The following NECAB1 variants were observed in gnomAD, a reference collection of about 807,000 sequenced individuals.
NECAB1 encodes N-terminal EF-hand calcium-binding protein 1.
Under a neutral mutation model 57.5 loss-of-function variants are expected in NECAB1, and 29 were observed. That is an observed-to-expected ratio of 0.50 (90% CI 0.38 to 0.69). The LOEUF (loss-of-function observed/expected upper bound fraction) is 0.69. Among genes scored for constraint, NECAB1 ranks in the 30% least tolerant of loss-of-function variants. The pLI, the probability that NECAB1 is intolerant of heterozygous loss-of-function variation, is 0.00. For missense variants in NECAB1, 372 were observed against 413.8 expected, an observed-to-expected ratio of 0.90 and a Z score of 0.88; for synonymous variants, 142 against 147.7, an observed-to-expected ratio of 0.96 and a Z score of 0.28.
chr8:90,801,573 C>A, intron 1 of NECAB1, 118 bp from the exon 2 acceptor site: 1 of 698,510 alleles, frequency 1.4e-6, no homozygotes, highest in Non-Finnish European at 2.4e-6. Context: ...AATTGGGAAA[C>A]GCTTACTTAA....
At chr8:90,855,021 G>C (rs931974911) in intron 3 of NECAB1, among the ~76,000 whole-genome samples, 1 of 152,200 alleles carries the variant, frequency 6.6e-6, no homozygotes, top group Non-Finnish European at 1.5e-5. Flanking sequence ...AGTGCCCTTT[G>C]TCTCCTTTCC....
chr8:90,871,057 G>A (rs1808613604), intron 3 of NECAB1, among the ~76,000 whole-genome samples: 1 of 152,086 alleles, frequency 6.6e-6, no homozygotes, highest in African/African-American at 2.4e-5. Flanking sequence ...TGTTTGGAAT[G>A]TTTATACCAA....
At chr8:90,922,319 A>C (rs756419382) in intron 6 of NECAB1, among the ~76,000 whole-genome samples, 21 of 151,938 alleles carry the variant, frequency 1.4e-4, no homozygotes, top group Non-Finnish European at 2.9e-4. Context: ...CTTGAAAGTT[A>C]TTTTTCTCCT....
At chr8:90,798,399 G>T (rs62528306) in intron 1 of NECAB1, among the ~76,000 whole-genome samples, 1 of 152,132 alleles carries the variant, frequency 6.6e-6, no homozygotes, top group Non-Finnish European at 1.5e-5. Context: ...CCATCACCCA[G>T]GTAGTGAGCA....
intron 7 of NECAB1, among the ~76,000 whole-genome samples, chr8:90,927,922 C>T (rs983432426): frequency 1.8e-4 from 28 of 151,762 alleles, no homozygotes; most frequent in Admixed American, 1.7e-3. Flanking sequence ...TTCCTGTTTG[C>T]AAAAGAAAAC....
Position 90,881,089 on chromosome 8 carries a change from C to G in NECAB1, c.316C>G (p.Leu106Val). Reference sequence around the variant, plus strand: ...GAATGTACTAGCAGCACTTGAAGACCTGAATCTTTCCATCCTGAAGGCAAT... The same window carrying G: ...GAATGTACTAGCAGCACTTGAAGACGTGAATCTTTCCATCCTGAAGGCAAT... ...YENVLAALED[L>V]NLSILKAMGK... The change falls in exon 5 of 13, where the codon CTG (leucine) becomes GTG (valine). Residue 106 changes from leucine to valine, a missense_variant. Leu to Val is a conservative substitution (Grantham distance 32). Transcript: ENST00000417640. The G allele has an allele frequency of 6.2e-7, 1 of 1,607,536 alleles. No individual in the cohort carries two copies.
At chr8:90,834,667 C>T (rs1030704743) in intron 3 of NECAB1, among the ~76,000 whole-genome samples, 3 of 152,008 alleles carry the variant, frequency 2.0e-5, no homozygotes, top group African/African-American at 4.8e-5. Context: ...CACTCACAAA[C>T]CAAATAATAT....
intron 5 of NECAB1, among the ~76,000 whole-genome samples, chr8:90,889,954 T>TGTTTGA (rs916704146): frequency 4.7e-5 from 5 of 107,252 alleles, no homozygotes; most frequent in African/African-American, 1.9e-4. Context: ...TAACTGTGTG[T>TGTTTGA]GTGTGAGTGT....
At chr8:90,828,823 A>G (rs1416660602) in intron 3 of NECAB1, among the ~76,000 whole-genome samples, 1 of 152,062 alleles carries the variant, frequency 6.6e-6, no homozygotes, top group African/African-American at 2.4e-5. Flanking sequence ...AAAGGAGAAG[A>G]AAGTCAAATA....
intron 4 of NECAB1, 31 bp from the exon 5 acceptor site, chr8:90,881,002 A>G (rs1390680432): frequency 1.3e-6 from 2 of 1,488,236 alleles, no homozygotes; most frequent in Non-Finnish European, 1.8e-6. Flanking sequence ...AAACTCAAAT[A>G]TGAATTTATT....
In NECAB1 at chr8:90,874,242, C is replaced by T. The variant is rs143578813; in HGVS notation, c.259+2089C>T. ...CGTGGGAGGGGCAGAACTTGATTGG[C>T]ATGAAAAGTAGATTTCATATGTTCT... On this transcript the variant is annotated intron_variant, in intron 4 of 12. Coordinates refer to ENST00000417640, the MANE Select transcript of NECAB1 (RefSeq NM_022351.5). 2.6e-4 allele frequency among the ~76,000 whole-genome samples: 39 copies of T among 152,232 alleles called. 1 individual carries two copies. In the East Asian group the frequency reaches 7.3e-3, roughly 29 times the overall value.
At chr8:90,824,988 G>A in intron 3 of NECAB1, 163 bp downstream of exon 3, 1 of 380,452 alleles carries the variant, frequency 2.6e-6, no homozygotes. Context: ...AAATTGCTCT[G>A]AAAAATTGAC....
intron 2 of NECAB1, among the ~76,000 whole-genome samples, chr8:90,802,639 T>C (rs1811778657): frequency 6.6e-6 from 1 of 152,186 alleles, no homozygotes; most frequent in South Asian, 2.1e-4. Context: ...TGTTGTGGTC[T>C]ATTTTACCCT....
chr8:90,878,378 A>G (rs1218553928), intron 4 of NECAB1, among the ~76,000 whole-genome samples: 1 of 152,172 alleles, frequency 6.6e-6, no homozygotes, highest in Admixed American at 6.5e-5. Context: ...AACACTCGCT[A>G]TGATGAAGTG....
intron 2 of NECAB1, among the ~76,000 whole-genome samples, chr8:90,811,028 A>G (rs754093518): frequency 6.6e-6 from 1 of 151,310 alleles, no homozygotes; most frequent in Non-Finnish European, 1.5e-5. Flanking sequence ...GCTCACCGCA[A>G]CCTCCACCTC....
At chr8:90,817,735 A>G (rs1812081635) in intron 2 of NECAB1, among the ~76,000 whole-genome samples, 1 of 151,680 alleles carries the variant, frequency 6.6e-6, no homozygotes, top group African/African-American at 2.4e-5. Flanking sequence ...GAATTTTTGC[A>G]TTTATGTTCA....
chr8:90,874,383 A>C (rs959687805), intron 4 of NECAB1, among the ~76,000 whole-genome samples: 2 of 152,218 alleles, frequency 1.3e-5, no homozygotes, highest in African/African-American at 4.8e-5. Flanking sequence ...TTTTGAAAAA[A>C]ATGTGTTTGT....
chr8:90,912,897 A>G (rs950211656), intron 5 of NECAB1, among the ~76,000 whole-genome samples: 40 of 152,158 alleles, frequency 2.6e-4, no homozygotes, highest in South Asian at 4.1e-4. Context: ...TTTTTCTGTT[A>G]TAGAAGCTGC....
intron 3 of NECAB1, among the ~76,000 whole-genome samples, chr8:90,870,356 T>C (rs984782533): frequency 9.2e-5 from 14 of 152,224 alleles, no homozygotes; most frequent in African/African-American, 3.1e-4. Context: ...AAGTATTCTA[T>C]AATTCCAAAT....
Sources: gnomAD v4.1 joint callset for allele counts (sites outside exome capture counted in the v4.1 genomes callset) on GRCh38, gnomAD v4.1.1 for gene constraint, MANE v1.5 for transcripts, NCBI Gene and HGNC (gene_info 2026-07-23, HGNC 2026-07-21) for gene names.